PCDHGB5: variants seen among roughly 807,000 people sequenced by gnomAD.
PCDHGB5 encodes protocadherin gamma-B5.
Under a neutral mutation model 62.9 loss-of-function variants are expected in PCDHGB5, and 48 were observed. The observed-to-expected ratio is 0.76, with a 90% CI of 0.61 to 0.97. PCDHGB5 has a LOEUF of 0.97. PCDHGB5 is among the 50% of genes least tolerant of loss of function. The pLI, the probability that PCDHGB5 is intolerant of heterozygous loss-of-function variation, is 0.00. For missense variants in PCDHGB5, 1,118 were observed against 1,198.6 expected, an observed-to-expected ratio of 0.93 and a Z score of 0.99; for synonymous variants, 474 against 511.2, an observed-to-expected ratio of 0.93 and a Z score of 0.98.
intron 1 of PCDHGB5, among the ~76,000 whole-genome samples, chr5:141,492,886 C>A (rs1479930324): frequency 6.6e-6 from 1 of 152,178 alleles, no homozygotes; most frequent in African/African-American, 2.4e-5. Context: ...GAGATACAGG[C>A]TTTTGGCGCC....
chr5:141,417,965 T>C lies in PCDHGB5; in HGVS notation c.2397+17441T>C. On this transcript the variant is annotated intron_variant, in intron 1 of 3. Coordinates refer to ENST00000617380, the MANE Select transcript of PCDHGB5 (RefSeq NM_018925.3). ...CACGCTGTGTGAGCCGATCCGCTAC[T>C]CGATTCCGGAGGAGCTGGCCAAGGG... 3 of 1,613,654 alleles carry C rather than the reference T, an allele frequency of 1.9e-6. No homozygotes were observed. In the South Asian group the frequency reaches 3.3e-5, roughly 18 times the overall value.
intron 1 of PCDHGB5, chr5:141,423,074 G>T (rs2096705802): frequency 6.2e-7 from 1 of 1,614,006 alleles, no homozygotes; most frequent in African/African-American, 1.3e-5. Flanking sequence ...AGCGAGCCGG[G>T]ACTCTTCGCG....
rs775299266 is a variant in PCDHGB5, at chr5:141,432,192, AC to A, written c.2397+31672del. On this transcript the variant is annotated intron_variant, in intron 1 of 3. Transcript: ENST00000617380. The surrounding 1 kb of genome is among the most constrained non-coding windows in gnomAD (Gnocchi z 6.0). ...TCCCTCGTCTCTGTGACCGCCCACG[AC>A]CCCGACTGTGAAGAGAACGCCCAGA... 5 of 1,613,812 alleles carry A rather than the reference AC, an allele frequency of 3.1e-6. No individual in the cohort carries two copies. Among genetic ancestry groups the A allele is most frequent in the Non-Finnish European group, 4.2e-6 (5 of 1,179,996 alleles).
chr5:141,492,078 C>T (rs948391194), intron 1 of PCDHGB5: 4 of 483,290 alleles, frequency 8.3e-6, no homozygotes, highest in African/African-American at 2.0e-5. Flanking sequence ...GCGCCGGCTC[C>T]GGCACGCTTC....
At chr5:141,413,230 C>A in intron 1 of PCDHGB5, 1 of 1,613,942 alleles carries the variant, frequency 6.2e-7, no homozygotes. Context: ...CGGGCTGGTC[C>A]TGCTCTGCCT....
intron 1 of PCDHGB5, among the ~76,000 whole-genome samples, chr5:141,455,749 C>A (rs2098830563): frequency 6.6e-6 from 1 of 152,086 alleles, no homozygotes; most frequent in Non-Finnish European, 1.5e-5. Context: ...AGGTTGCTGG[C>A]CTGGCTCCTA....
At chr5:141,413,338 G>A in intron 1 of PCDHGB5, 1 of 1,613,980 alleles carries the variant, frequency 6.2e-7, no homozygotes, top group African/African-American at 1.3e-5. Context: ...CATCTCCAAG[G>A]ACTTGGGTCT....
chr5:141,417,633 G>C, intron 1 of PCDHGB5: 1 of 712,146 alleles, frequency 1.4e-6, no homozygotes, highest in South Asian at 2.3e-5. Flanking sequence ...CGCTGACGCC[G>C]GGGATCCCTC....
chr5:141,503,212 C>G (rs1227936455), intron 2 of PCDHGB5, among the ~76,000 whole-genome samples: 1 of 152,074 alleles, frequency 6.6e-6, no homozygotes, highest in African/African-American at 2.4e-5. Flanking sequence ...CAGTGCCCAC[C>G]ATGAGCACCG....
At chr5:141,478,478 A>T (rs764926007) in intron 1 of PCDHGB5, 2 of 1,613,740 alleles carry the variant, frequency 1.2e-6, no homozygotes, top group East Asian at 4.5e-5. Flanking sequence ...CCGCCAGAAC[A>T]CGCTGCGGAG....
At chr5:141,457,933 TATTGGC>T (rs2098933012) in intron 1 of PCDHGB5, among the ~76,000 whole-genome samples, 2 of 152,206 alleles carry the variant, frequency 1.3e-5, no homozygotes, top group Non-Finnish European at 2.9e-5. Context: ...AAGGGGCTTT[TATTGGC>T]TCTGCATGTC....
chr5:141,478,517 T>G (rs1593923092), intron 1 of PCDHGB5: 1 of 1,611,116 alleles, frequency 6.2e-7, no homozygotes, highest in Non-Finnish European at 8.5e-7. Context: ...TAGGCAGGTG[T>G]TGGGTGCAGA....
intron 1 of PCDHGB5, among the ~76,000 whole-genome samples, chr5:141,470,598 G>A (rs2099234276): frequency 6.6e-6 from 1 of 152,184 alleles, no homozygotes; most frequent in Admixed American, 6.5e-5. Flanking sequence ...GGCGACCTGT[G>A]CGGGGACACA....
intron 1 of PCDHGB5, among the ~76,000 whole-genome samples, chr5:141,481,063 C>T (rs2154578481): frequency 6.6e-6 from 1 of 151,952 alleles, no homozygotes; most frequent in Middle Eastern, 3.4e-3. Context: ...ACCTCAAAAA[C>T]AAAAAGAAAG....
chr5:141,481,970 A>G (rs2099549884), intron 1 of PCDHGB5, among the ~76,000 whole-genome samples: 1 of 151,510 alleles, frequency 6.6e-6, no homozygotes, highest in Non-Finnish European at 1.5e-5. Flanking sequence ...CTGTAGTCAC[A>G]GCTACTTGGG....
chr5:141,490,467 C>T lies in PCDHGB5; in HGVS notation c.2398-4340C>T. ...AGAACCACTACTCGCTGCTAACCAG[C>T]CAGCCTTTGGACCGGGAGGCCACAT... is the stretch of plus-strand genomic sequence containing the variant. On this transcript the variant is annotated intron_variant, in intron 1 of 3. Transcript: ENST00000617380. This position sits in a 1 kb window ranked among gnomAD's most constrained non-coding sequence, Gnocchi z 5.4. The T allele has an allele frequency of 6.2e-7, 1 of 1,614,216 alleles. No individual in the cohort carries two copies. The highest frequency in any genetic ancestry group is 8.5e-7 in the Non-Finnish European group (1 of 1,180,040).
chr5:141,426,418 T>C (rs1445827088), intron 1 of PCDHGB5: 2 of 288,504 alleles, frequency 6.9e-6, no homozygotes, highest in Non-Finnish European at 1.4e-5. Flanking sequence ...GGTCCAGGGC[T>C]CCGTGGTGGG....
At chr5:141,478,044 C>T in intron 1 of PCDHGB5, 2 of 1,614,184 alleles carry the variant, frequency 1.2e-6, no homozygotes, top group South Asian at 1.1e-5. Flanking sequence ...CCCAGGCAGA[C>T]TCTCACGGTC....
At chr5:141,427,945 A>G (rs747625541) in intron 1 of PCDHGB5, 22 of 1,586,364 alleles carry the variant, frequency 1.4e-5, no homozygotes, top group Middle Eastern at 1.7e-4. Flanking sequence ...GGCGACCTCA[A>G]TGACAATGTG....
Sources: gnomAD v4.1 joint callset for allele counts (sites outside exome capture counted in the v4.1 genomes callset) on GRCh38, gnomAD v4.1.1 for gene constraint, Gnocchi (gnomAD v3.1) non-coding constraint, MANE v1.5 for transcripts, NCBI Gene and HGNC (gene_info 2026-07-23, HGNC 2026-07-21) for gene names.